ORC5: variants seen among roughly 807,000 people sequenced by gnomAD.
The protein encoded by ORC5 is protein phosphatase 1, regulatory subunit 117.
A neutral mutation model predicts 58.8 loss-of-function variants in ORC5; 39 were observed. The ratio of observed to expected loss-of-function variants is 0.66; its 90% confidence interval spans 0.51 to 0.87. ORC5 has a LOEUF of 0.87. ORC5 is among the 40% of genes least tolerant of loss of function. ORC5 has a pLI of 0.00. For synonymous variants in ORC5, 218 were observed against 177.6 expected (o/e 1.23, Z -1.81); for missense variants, 493 against 506.3 (o/e 0.97, Z 0.25).
intron 12 of ORC5, among the ~76,000 whole-genome samples, chr7:104,158,712 AAC>A (rs1798971410): frequency 6.6e-6 from 1 of 151,866 alleles, no homozygotes; most frequent in Admixed American, 6.6e-5. Flanking sequence ...ATGCAGCCAA[AAC>A]ACACATGAAA....
At chr7:104,159,299 G>T (rs1315371303) in intron 12 of ORC5, among the ~76,000 whole-genome samples, 1 of 128,400 alleles carries the variant, frequency 7.8e-6, no homozygotes, top group Non-Finnish European at 1.6e-5. Flanking sequence ...GACACAGGAA[G>T]GGGAACATCA....
At chr7:104,143,676 T>C (rs1051845731) in intron 12 of ORC5, among the ~76,000 whole-genome samples, 4 of 152,184 alleles carry the variant, frequency 2.6e-5, no homozygotes, top group African/African-American at 9.7e-5. Flanking sequence ...AATTAGAATG[T>C]GATTTTTCAC....
At chr7:104,159,617 C>A (rs1296839140) in intron 12 of ORC5, among the ~76,000 whole-genome samples, 2 of 149,948 alleles carry the variant, frequency 1.3e-5, no homozygotes, top group Non-Finnish European at 1.5e-5. Flanking sequence ...CTTCACTGTG[C>A]CCCTCACACA....
In ORC5 at chr7:104,165,120, T is replaced by C. The variant is rs929874976; in HGVS notation, c.1038+115A>G. ...ATTCTATTACAGTATAACGGTACCA[T>C]ATCAACACAAATAAGTTCCTATATT... On this transcript the variant is annotated intron_variant, in intron 11 of 13. Transcript: ENST00000297431. The C allele has an allele frequency of 6.7e-6, 4 of 598,050 alleles. No homozygotes were observed. The Admixed American group carries it at 1.0e-4, about 16-fold the overall frequency. The allele number at this position is 598,050 out of a possible 1,614,324, so 37.0% of individuals were successfully genotyped here. A position where few individuals can be genotyped will look rare whatever the true frequency, so the allele number is the denominator to read the frequency against.
At chr7:104,156,705 C>T (rs945527758) in intron 12 of ORC5, among the ~76,000 whole-genome samples, 4 of 151,800 alleles carry the variant, frequency 2.6e-5, no homozygotes, top group Non-Finnish European at 5.9e-5. Context: ...AAAAATAATA[C>T]ATGATCATCT....
intron 11 of ORC5, among the ~76,000 whole-genome samples, chr7:104,162,404 T>C (rs769966887): frequency 1.3e-5 from 2 of 152,202 alleles, no homozygotes; most frequent in African/African-American, 4.8e-5. Flanking sequence ...TGAAGTAATC[T>C]GCCCACCTTG....
At chr7:104,145,184 T>C (rs1034092600) in intron 12 of ORC5, among the ~76,000 whole-genome samples, 3 of 152,198 alleles carry the variant, frequency 2.0e-5, no homozygotes, top group Non-Finnish European at 2.9e-5. Context: ...GAAATTTTAA[T>C]GAATGGGAAG....
intron 13 of ORC5, among the ~76,000 whole-genome samples, chr7:104,132,825 T>A (rs1391092131): frequency 6.6e-6 from 1 of 152,070 alleles, no homozygotes; most frequent in Non-Finnish European, 1.5e-5. Context: ...AAATCGTGTG[T>A]GTGTGTGGTA....
intron 12 of ORC5, among the ~76,000 whole-genome samples, chr7:104,143,384 C>T (rs901768351): frequency 4.6e-5 from 7 of 152,074 alleles, no homozygotes; most frequent in African/African-American, 1.7e-4. Flanking sequence ...TTTTCAGATG[C>T]CTTACAGTTT....
chr7:104,140,269 A>G (rs1798651851), intron 12 of ORC5, among the ~76,000 whole-genome samples: 1 of 152,086 alleles, frequency 6.6e-6, no homozygotes, highest in Admixed American at 6.5e-5. Flanking sequence ...TGTTTTTAAT[A>G]TATCTAATGA....
At chr7:104,139,980 A>T (rs903301865) in intron 12 of ORC5, among the ~76,000 whole-genome samples, 1 of 152,036 alleles carries the variant, frequency 6.6e-6, no homozygotes, top group Non-Finnish European at 1.5e-5. Context: ...ATACATACAG[A>T]TTTAAAATTA....
intron 12 of ORC5, among the ~76,000 whole-genome samples, chr7:104,143,157 T>G (rs985756148): frequency 7.4e-6 from 1 of 135,692 alleles, no homozygotes; most frequent in Non-Finnish European, 1.5e-5. Flanking sequence ...CCTTAGTACT[T>G]TTTTTTTAAT....
intron 8 of ORC5, among the ~76,000 whole-genome samples, chr7:104,181,436 A>G (rs1799428246): frequency 6.6e-6 from 1 of 152,192 alleles, no homozygotes; most frequent in African/African-American, 2.4e-5. Flanking sequence ...ATAACAGGAT[A>G]TAATTGGAAA....
In ORC5 at chr7:104,138,013, A is replaced by G. The variant is rs767834406; in HGVS notation, c.1150-1120T>C. ...CGCCCACTGCGGCTTCAGGAGCTGT[A>G]AGCATTCATCCCTAGATGCGGCCGT... On this transcript the variant is annotated intron_variant, in intron 12 of 13. Coordinates refer to ENST00000297431, the MANE Select transcript of ORC5 (RefSeq NM_002553.4). The surrounding 1 kb of genome is among the most constrained non-coding windows in gnomAD (Gnocchi z 4.7). Among the ~76,000 whole-genome samples the G allele has an allele frequency of 6.6e-6, 1 of 152,206 alleles. No homozygotes were observed.
In ORC5 at chr7:104,200,671, G is replaced by A. The variant is rs1799916471; in HGVS notation, c.366+87C>T. The A allele has an allele frequency of 1.1e-5, 9 of 825,544 alleles. No individual in the cohort carries two copies. The South Asian group carries it at 1.3e-4, about 12-fold the overall frequency. The allele number at this position is 825,544 out of a possible 1,614,324, so 51.1% of individuals were successfully genotyped here. A position where few individuals can be genotyped will look rare whatever the true frequency, so the allele number is the denominator to read the frequency against. ...CCTGGCACAGAGCACTGTACATAAT[G>A]AGACTCAAAACAAATATATGAAAAT... On this transcript the variant is annotated intron_variant, in intron 3 of 13. Transcript: ENST00000297431.
rs980345635 is a variant in ORC5, at chr7:104,181,630, G to GA, written c.824+2312dup. ...GAAATGCTGTCTCTACTAAAAATAC[G>GA]AAAAAAAAAAATTTAGCCAGGTGTG... On this transcript the variant is annotated intron_variant, in intron 8 of 13. Coordinates refer to ENST00000297431, the MANE Select transcript of ORC5 (RefSeq NM_002553.4). Among the ~76,000 whole-genome samples the GA allele has an allele frequency of 2.6e-3, 387 of 148,012 alleles. 1 individual carries two copies. Among genetic ancestry groups the GA allele is most frequent in the Non-Finnish European group, 3.2e-3 (215 of 66,664 alleles).
intron 12 of ORC5, among the ~76,000 whole-genome samples, chr7:104,152,306 C>T (rs147255720): frequency 4.1e-3 from 630 of 152,096 alleles, no homozygotes; most frequent in Middle Eastern, 0.024. Context: ...CACCACCACA[C>T]GCAGCTAATT....
Position 104,195,263 on chromosome 7 carries a change from A to T in ORC5, c.442-9T>A. ...GTCACATTTCTGTCAGCCTGTAAAA[A>T]GAAAGAAATAAAAGTAACTTCGCAT... On this transcript the variant is annotated splice_polypyrimidine_tract_variant and intron_variant, in intron 4 of 13. Coordinates refer to ENST00000297431, the MANE Select transcript of ORC5 (RefSeq NM_002553.4). 6.8e-7 allele frequency: 1 copy of T among 1,477,318 alleles called. No homozygotes were observed. The highest frequency in any genetic ancestry group is 9.1e-7 in the Non-Finnish European group (1 of 1,097,332). The allele number at this position is 1,477,318 out of a possible 1,614,324, so 91.5% of individuals were successfully genotyped here. A position where few individuals can be genotyped will look rare whatever the true frequency, so the allele number is the denominator to read the frequency against.
chr7:104,172,014 A>G (rs142630182), intron 8 of ORC5, among the ~76,000 whole-genome samples: 1 of 152,342 alleles, frequency 6.6e-6, no homozygotes, highest in East Asian at 1.9e-4. Flanking sequence ...TAGTCAACGT[A>G]TCCCTTGTCC....
Sources: gnomAD v4.1 joint callset for allele counts (sites outside exome capture counted in the v4.1 genomes callset) on GRCh38, gnomAD v4.1.1 for gene constraint, Gnocchi (gnomAD v3.1) non-coding constraint, MANE v1.5 for transcripts, NCBI Gene and HGNC (gene_info 2026-07-23, HGNC 2026-07-21) for gene names.